The following C12orf42 variants were observed in gnomAD, a reference collection of about 807,000 sequenced individuals.
C12orf42 encodes chromosome 12 open reading frame 42.
In C12orf42, 25 loss-of-function variants were observed where a neutral mutation model predicts 21.6. The observed-to-expected ratio is 1.16, with a 90% CI of 0.84 to 1.62. The LOEUF (loss-of-function observed/expected upper bound fraction) is 1.62, where lower values mean the gene tolerates loss of function less well. C12orf42 is among the 40% of genes most tolerant of loss of function. C12orf42 has a pLI of 0.00. For synonymous variants in C12orf42, 174 were observed against 175.0 expected, an observed-to-expected ratio of 0.99 and a Z score of 0.05; for missense variants, 483 against 459.3, an observed-to-expected ratio of 1.05 and a Z score of -0.47.
intron 4 of C12orf42, among the ~76,000 whole-genome samples, chr12:103,279,392 C>T (rs1329987034): frequency 6.6e-6 from 1 of 152,016 alleles, no homozygotes; most frequent in Non-Finnish European, 1.5e-5. Context: ...CTCAATAAAG[C>T]TGTTAAATAT....
chr12:103,186,771 G>A, the C12orf42 span, among the ~76,000 whole-genome samples: 1 of 152,106 alleles, frequency 6.6e-6, no homozygotes, highest in Admixed American at 6.5e-5. Flanking sequence ...TTGGGCTCCA[G>A]AATTATCTTC....
chr12:103,461,997 G>A (rs1952736322), intron 2 of C12orf42, among the ~76,000 whole-genome samples: 1 of 151,484 alleles, frequency 6.6e-6, no homozygotes, highest in South Asian at 2.1e-4. Context: ...TGGACTCAAG[G>A]GTAGATACAG....
chr12:103,188,801 C>A, the C12orf42 span, among the ~76,000 whole-genome samples: 75 of 152,314 alleles, frequency 4.9e-4, no homozygotes, highest in African/African-American at 1.7e-3. Flanking sequence ...GTGTCAGCAC[C>A]ACGATTCCTG....
Position 103,342,477 on chromosome 12 carries a change from A to G in C12orf42, c.259+26410T>C, listed in dbSNP as rs78900237. ...GCACTATACTAGGTGTTCCATGTAT[A>G]AATTCTCATCTAATCCCCAAATCTG... is the stretch of plus-strand genomic sequence containing the variant. On this transcript the variant is annotated intron_variant, in intron 4 of 5. Coordinates refer to ENST00000548883, the MANE Select transcript of C12orf42 (RefSeq NM_198521.5). 1.8e-3 allele frequency among the ~76,000 whole-genome samples: 272 copies of G among 152,070 alleles called. 10 individuals carry two copies. In the East Asian group the frequency reaches 0.05, roughly 28 times the overall value.
chr12:103,224,557 G>T, the C12orf42 span, among the ~76,000 whole-genome samples: 2 of 151,664 alleles, frequency 1.3e-5, no homozygotes, highest in East Asian at 3.8e-4. Flanking sequence ...GAATAATGTG[G>T]GAGGCCAGAT....
chr12:103,457,263 A>G (rs966733384), intron 2 of C12orf42, among the ~76,000 whole-genome samples: 2 of 152,210 alleles, frequency 1.3e-5, no homozygotes, highest in Non-Finnish European at 1.5e-5. Flanking sequence ...TGAAGATATA[A>G]CCGAATTTCT....
At chr12:103,310,947 G>A (rs556744252) in intron 4 of C12orf42, among the ~76,000 whole-genome samples, 1 of 152,290 alleles carries the variant, frequency 6.6e-6, no homozygotes, top group Non-Finnish European at 1.5e-5. Flanking sequence ...TTGTTCTGTT[G>A]TTCAAATACC....
intron 2 of C12orf42, among the ~76,000 whole-genome samples, chr12:103,467,089 T>G (rs1013112379): frequency 1.3e-5 from 2 of 152,138 alleles, no homozygotes; most frequent in Non-Finnish European, 2.9e-5. Context: ...CTCAAACACC[T>G]GAGCAAAATA....
the C12orf42 span, among the ~76,000 whole-genome samples, chr12:103,536,240 G>C: frequency 6.6e-6 from 1 of 152,200 alleles, no homozygotes; most frequent in Non-Finnish European, 1.5e-5. Context: ...CAAAGTAGAT[G>C]ATGGGACCAT....
Position 103,367,211 on chromosome 12 carries a change from G to A in C12orf42, c.259+1676C>T, listed in dbSNP as rs12315603. 2.1e-4 allele frequency among the ~76,000 whole-genome samples: 32 copies of A among 152,092 alleles called. 1 individual carries two copies. In the South Asian group the frequency reaches 4.4e-3, roughly 21 times the overall value. On this transcript the variant is annotated intron_variant, in intron 4 of 5. Coordinates refer to ENST00000548883, the MANE Select transcript of C12orf42 (RefSeq NM_198521.5). ...ACTCAGGAATGGAAAACCAAACGTC[G>A]TATGTTCTCACTCATAAGTGGAAGC...
At chr12:103,384,264 A>G (rs1566204159) in intron 3 of C12orf42, among the ~76,000 whole-genome samples, 7 of 152,136 alleles carry the variant, frequency 4.6e-5, no homozygotes, top group Non-Finnish European at 7.4e-5. Context: ...TCAAAAAAAA[A>G]GTGGGGGGTG....
the C12orf42 span, among the ~76,000 whole-genome samples, chr12:103,515,721 T>G: frequency 6.6e-6 from 1 of 152,286 alleles, no homozygotes; most frequent in Non-Finnish European, 1.5e-5. Flanking sequence ...GAGTTGTATG[T>G]GCAAGACTGC....
chr12:103,192,486 G>A, the C12orf42 span, among the ~76,000 whole-genome samples: 2 of 141,412 alleles, frequency 1.4e-5, no homozygotes, highest in African/African-American at 5.2e-5. Flanking sequence ...CCTGGTAACA[G>A]AGCGAGACTC....
At chr12:103,536,070 T>G in the C12orf42 span, among the ~76,000 whole-genome samples, 1 of 152,240 alleles carries the variant, frequency 6.6e-6, no homozygotes, top group Admixed American at 6.5e-5. Flanking sequence ...CATGAACTAC[T>G]ATGCCTGGCT....
intron 4 of C12orf42, among the ~76,000 whole-genome samples, chr12:103,287,670 C>A (rs149737640): frequency 0.018 from 2,665 of 150,454 alleles, 103 homozygotes; most frequent in African/African-American, 0.062. Flanking sequence ...CAAAACTGCA[C>A]GTTGTGCACA....
chr12:103,518,929 T>C, the C12orf42 span, among the ~76,000 whole-genome samples: 1 of 152,158 alleles, frequency 6.6e-6, no homozygotes, highest in Admixed American at 6.5e-5. Context: ...TGCATTTAGT[T>C]GATATGGTGA....
At chr12:103,522,537 C>T in the C12orf42 span, among the ~76,000 whole-genome samples, 1 of 152,162 alleles carries the variant, frequency 6.6e-6, no homozygotes, top group East Asian at 1.9e-4. Flanking sequence ...TCCTGACACA[C>T]GTGCAAACCT....
chr12:103,335,174 T>C (rs1298917056), intron 4 of C12orf42, among the ~76,000 whole-genome samples: 1 of 152,258 alleles, frequency 6.6e-6, no homozygotes, highest in African/African-American at 2.4e-5. Context: ...ATTCAGTCCA[T>C]ATAAAGATTG....
downstream of C12orf42, chr12:103,301,928 A>G: frequency 1.4e-6 from 1 of 698,170 alleles, no homozygotes; most frequent in Non-Finnish European, 2.3e-6. Context: ...GAGATGCTTC[A>G]AAAGGAACAT....
Sources: gnomAD v4.1 joint callset for allele counts (sites outside exome capture counted in the v4.1 genomes callset) on GRCh38, gnomAD v4.1.1 for gene constraint, MANE v1.5 for transcripts, NCBI Gene and HGNC (gene_info 2026-07-23, HGNC 2026-07-21) for gene names.